Variants in HOMER1 observed in about 807,000 individuals in gnomAD.
HOMER1 encodes the protein homer protein homolog 1.
A neutral mutation model predicts 48.9 loss-of-function variants in HOMER1; 3 were observed. The ratio of observed to expected loss-of-function variants is 0.06; its 90% confidence interval spans 0.03 to 0.16. The LOEUF is 0.16. HOMER1 is among the 10% of genes least tolerant of loss of function. The probability of loss-of-function intolerance (pLI) is 1.00; values close to 1 mark genes in which losing one functional copy is unlikely to be tolerated. For missense variants in HOMER1, 247 were observed against 411.4 expected (o/e 0.60, Z 3.46); for synonymous variants, 134 against 146.4 (o/e 0.92, Z 0.61).
At chr5:79,388,609 T>C (rs796202144) in intron 8 of HOMER1, among the ~76,000 whole-genome samples, 72 of 152,082 alleles carry the variant, frequency 4.7e-4, no homozygotes, top group African/African-American at 1.7e-3. Flanking sequence ...ATTGAAAAAC[T>C]TAGAATAGAA....
At chr5:79,465,584 C>CTTTTTTTTTTTTTTTTTTTTTTTT (rs10666507) in intron 1 of HOMER1, among the ~76,000 whole-genome samples, 5 of 77,906 alleles carry the variant, frequency 6.4e-5, no homozygotes, top group African/African-American at 2.4e-4. Flanking sequence ...TACATTTCTT[C>CTTTTTTTTTTTTTTTTTTTTTTTT]TTTTTTTTTT....
At chr5:79,480,162 C>T (rs1302228953) in intron 1 of HOMER1, among the ~76,000 whole-genome samples, 1 of 151,360 alleles carries the variant, frequency 6.6e-6, no homozygotes, top group Non-Finnish European at 1.5e-5. Flanking sequence ...GAATCAGAAA[C>T]AAAAGGAAAA....
intron 5 of HOMER1, among the ~76,000 whole-genome samples, chr5:79,403,939 C>T (rs1238114593): frequency 6.6e-6 from 1 of 152,126 alleles, no homozygotes; most frequent in Non-Finnish European, 1.5e-5. Context: ...CCATTTCTAT[C>T]CTGAAAAGGA....
rs568067946 is a variant in HOMER1 at position 79,400,467 on chromosome 5, C to T, written c.684+1432G>A. 2.0e-5 allele frequency among the ~76,000 whole-genome samples: 3 copies of T among 151,482 alleles called. No individual in the cohort carries two copies. In the East Asian group the frequency reaches 5.8e-4, roughly 29 times the overall value. ...TGCCTCCTGGGCTCAAGTGATGTTCCCACCTCAGCCTCCTAAGTAGTTGGA... is the reference window on the plus strand; with the variant it reads ...TGCCTCCTGGGCTCAAGTGATGTTCTCACCTCAGCCTCCTAAGTAGTTGGA... On this transcript the variant is annotated intron_variant, in intron 6 of 8. Transcript: ENST00000334082.
intron 1 of HOMER1, chr5:79,510,328 G>A: frequency 2.2e-6 from 1 of 452,330 alleles, no homozygotes; most frequent in Non-Finnish European, 4.1e-6. Context: ...TGCATGTTAT[G>A]TGTGGTGCTA....
intron 4 of HOMER1, among the ~76,000 whole-genome samples, chr5:79,440,118 G>A (rs1750700767): frequency 6.6e-6 from 1 of 152,016 alleles, no homozygotes; most frequent in Admixed American, 6.5e-5. Context: ...GGTTAGGAAT[G>A]ATCATAATTT....
intron 1 of HOMER1, among the ~76,000 whole-genome samples, chr5:79,492,907 C>CTTTT (rs558428061): frequency 2.4e-5 from 2 of 84,032 alleles, no homozygotes; most frequent in African/African-American, 4.2e-5. Context: ...AAAACTTTGT[C>CTTTT]TTTTTTTTTT....
chr5:79,397,464 G>A, intron 7 of HOMER1, 63 bp downstream of exon 7: 2 of 977,162 alleles, frequency 2.0e-6, no homozygotes, highest in Non-Finnish European at 1.6e-6. Flanking sequence ...AATTTGACAT[G>A]GAATCTAATA....
chr5:79,416,034 T>C (rs984620646), intron 5 of HOMER1, among the ~76,000 whole-genome samples: 1 of 152,214 alleles, frequency 6.6e-6, no homozygotes, highest in African/African-American at 2.4e-5. Flanking sequence ...GACACTCAGA[T>C]GGTAGTACCT....
chr5:79,430,086 CAACT>C (rs1429840695), intron 5 of HOMER1, among the ~76,000 whole-genome samples: 7 of 149,434 alleles, frequency 4.7e-5, no homozygotes, highest in Non-Finnish European at 8.9e-5. Flanking sequence ...AGTGAAAACA[CAACT>C]AATAGAACTG....
chr5:79,404,416 T>G (rs1021282696), intron 5 of HOMER1, among the ~76,000 whole-genome samples: 7 of 152,216 alleles, frequency 4.6e-5, no homozygotes, highest in Admixed American at 6.5e-5. Context: ...CTGGGTAACC[T>G]CGGACCCAAC....
At chr5:79,423,886 C>T (rs2112251318) in intron 5 of HOMER1, among the ~76,000 whole-genome samples, 1 of 152,154 alleles carries the variant, frequency 6.6e-6, no homozygotes, top group East Asian at 1.9e-4. Context: ...AGTGCAATCC[C>T]TTCATTTTTG....
At position 79,399,330 on chromosome 5, in the gene HOMER1, G is replaced by A. The variant is rs554836606; in HGVS notation, c.685-1693C>T. ...ATCCATAGTCTTATTTCTCTGAGAA[G>A]CCTGAGAATTTTAGGACTCTGCAGA... On this transcript the variant is annotated intron_variant, in intron 6 of 8. Coordinates refer to ENST00000334082, the MANE Select transcript of HOMER1 (RefSeq NM_004272.5). Among the ~76,000 whole-genome samples the A allele has an allele frequency of 4.3e-4, 65 of 152,302 alleles. 1 individual carries two copies. Among genetic ancestry groups the A allele is most frequent in the South Asian group, 2.1e-3 (10 of 4,830 alleles).
At chr5:79,379,223 CTA>C (rs1424825773) in intron 8 of HOMER1, among the ~76,000 whole-genome samples, 54 of 88,046 alleles carry the variant, frequency 6.1e-4, no homozygotes, top group Non-Finnish European at 9.7e-4. Context: ...TTTTATATAT[CTA>C]TAATATATAT....
At chr5:79,415,884 T>C (rs1355264796) in intron 5 of HOMER1, among the ~76,000 whole-genome samples, 4 of 152,232 alleles carry the variant, frequency 2.6e-5, no homozygotes, top group Non-Finnish European at 5.9e-5. Flanking sequence ...TTAATAGATA[T>C]GGGCCTTGGG....
chr5:79,388,403 C>T (rs758228766), intron 8 of HOMER1, among the ~76,000 whole-genome samples: 6 of 152,010 alleles, frequency 3.9e-5, no homozygotes, highest in Non-Finnish European at 7.4e-5. Context: ...ATTCTATCCA[C>T]AAAATGCAAA....
At chr5:79,409,909 C>T (rs558280601) in intron 5 of HOMER1, among the ~76,000 whole-genome samples, 6 of 152,114 alleles carry the variant, frequency 3.9e-5, no homozygotes, top group African/African-American at 1.2e-4. Flanking sequence ...AACCCTAGTA[C>T]GCTGTTGGTA....
At chr5:79,473,470 C>T (rs151335807) in intron 1 of HOMER1, among the ~76,000 whole-genome samples, 65 of 152,296 alleles carry the variant, frequency 4.3e-4, no homozygotes, top group African/African-American at 1.2e-3. Flanking sequence ...AGACATTCCA[C>T]AATATTCAAA....
At chr5:79,454,095 T>A (rs567916940) in intron 2 of HOMER1, among the ~76,000 whole-genome samples, 1 of 152,288 alleles carries the variant, frequency 6.6e-6, no homozygotes, top group African/African-American at 2.4e-5. Context: ...TATTCAGAAA[T>A]GGAAAAATGC....
Sources: allele counts gnomAD v4.1 joint callset (sites outside exome capture counted in the v4.1 genomes callset), GRCh38; gene constraint gnomAD v4.1.1; transcripts MANE v1.5; gene names NCBI Gene and HGNC (gene_info 2026-07-23, HGNC 2026-07-21).